CPAMD8: variants seen among roughly 807,000 people sequenced by gnomAD.
CPAMD8 encodes C3 and PZP like alpha-2-macroglobulin domain containing 8.
CPAMD8 carries 146 observed loss-of-function variants against 224.7 expected under a neutral mutation model. That is an observed-to-expected ratio of 0.65 (90% CI 0.57 to 0.75). The LOEUF (loss-of-function observed/expected upper bound fraction) is 0.75, where lower values mean the gene tolerates loss of function less well. CPAMD8 is among the 30% of genes least tolerant of loss of function. CPAMD8 has a pLI of 0.00. For synonymous variants in CPAMD8, 966 were observed against 1,044.6 expected, an observed-to-expected ratio of 0.92 and a Z score of 1.45; for missense variants, 2,301 against 2,537.5, an observed-to-expected ratio of 0.91 and a Z score of 2.00.
chr19:16,961,730 C>T (rs2054664072), intron 18 of CPAMD8, among the ~76,000 whole-genome samples: 1 of 152,222 alleles, frequency 6.6e-6, no homozygotes, highest in African/African-American at 2.4e-5. Flanking sequence ...GTCCCTGACC[C>T]CCATGTAGCC....
At chr19:16,906,403 T>TTCCTTCCTTCCTTCCTTCC (rs1568459868) in intron 30 of CPAMD8, among the ~76,000 whole-genome samples, 4 of 79,786 alleles carry the variant, frequency 5.0e-5, no homozygotes, top group South Asian at 4.2e-4. Flanking sequence ...TCTTTCTTTC[T>TTCCTTCCTTCCTTCCTTCC]TTCTTTCCTT....
intron 1 of CPAMD8, among the ~76,000 whole-genome samples, chr19:17,025,689 G>C (rs1035414801): frequency 6.6e-6 from 1 of 152,184 alleles, no homozygotes; most frequent in African/African-American, 2.4e-5. Flanking sequence ...CCAGGGCTGA[G>C]AACCACTATT....
chr19:16,931,130 C>A (rs1312007785), intron 23 of CPAMD8, among the ~76,000 whole-genome samples: 1 of 152,208 alleles, frequency 6.6e-6, no homozygotes, highest in African/African-American at 2.4e-5. Flanking sequence ...AGCAACTGCA[C>A]CCTCCCCAGT....
intron 22 of CPAMD8, among the ~76,000 whole-genome samples, chr19:16,942,387 G>C (rs1354554649): frequency 6.6e-6 from 1 of 152,058 alleles, no homozygotes; most frequent in Non-Finnish European, 1.5e-5. Flanking sequence ...ACTGGAACCT[G>C]GGAGGTGGAG....
At chr19:16,994,657 A>C (rs1445374582) in intron 11 of CPAMD8, among the ~76,000 whole-genome samples, 1 of 146,386 alleles carries the variant, frequency 6.8e-6, no homozygotes, top group Non-Finnish European at 1.5e-5. Context: ...AGCTGGGACC[A>C]CAGGTGTACA....
intron 5 of CPAMD8, among the ~76,000 whole-genome samples, chr19:17,011,080 G>A (rs1374448384): frequency 1.3e-5 from 2 of 151,892 alleles, no homozygotes; most frequent in Non-Finnish European, 2.9e-5. Flanking sequence ...TATAATCCCG[G>A]CTACTCGGGA....
intron 19 of CPAMD8, among the ~76,000 whole-genome samples, chr19:16,953,536 C>T (rs1286022527): frequency 6.7e-6 from 1 of 149,498 alleles, no homozygotes; most frequent in South Asian, 2.1e-4. Context: ...CCTATCTTTA[C>T]AAAAAATTAA....
At position 16,895,322 on chromosome 19, in the gene CPAMD8, A is replaced by T. The variant is rs146486908; in HGVS notation, c.5426+854T>A. The T allele has an allele frequency of 2.9e-3, 438 of 153,472 alleles. 6 individuals are homozygous for T. The highest frequency in any genetic ancestry group is 0.017 in the Admixed American group (262 of 15,422). The allele number at this position is 153,472 out of a possible 1,614,324, so 9.5% of individuals were successfully genotyped here. A position where few individuals can be genotyped will look rare whatever the true frequency, so the allele number is the denominator to read the frequency against. On this transcript the variant is annotated intron_variant, in intron 41 of 41. Transcript: ENST00000443236. Reference sequence around the variant, plus strand: ...CAGCTTCTGGGGAGGCTGAGACAGGAGAATCGCTTGAACCCAGGAGGCGGA... The same window carrying T: ...CAGCTTCTGGGGAGGCTGAGACAGGTGAATCGCTTGAACCCAGGAGGCGGA...
intron 30 of CPAMD8, 127 bp downstream of exon 30, chr19:16,906,825 T>G: frequency 1.0e-6 from 1 of 961,852 alleles, no homozygotes; most frequent in South Asian, 1.6e-5. Flanking sequence ...TTCTCCTGCC[T>G]CAGCCTCCTG....
chr19:17,004,490 C>A lies in CPAMD8; in HGVS notation c.560-104G>T. ...TGCTCCTTCTCCTTCCCTGAGCAGC[C>A]CCCCAGGAGAACTGGAGACCACAGA... On this transcript the variant is annotated intron_variant, in intron 7 of 41. Transcript: ENST00000443236. The A allele has an allele frequency of 5.6e-6, 4 of 707,980 alleles. No homozygotes were observed. The South Asian group carries it at 6.8e-5, about 12-fold the overall frequency. 43.9% of individuals were successfully genotyped at this position (707,980 alleles called of 1,614,324 possible).
At chr19:16,944,563 G>A (rs1239290189) in intron 22 of CPAMD8, among the ~76,000 whole-genome samples, 1 of 152,182 alleles carries the variant, frequency 6.6e-6, no homozygotes, top group Admixed American at 6.5e-5. Flanking sequence ...CTGTGGCCCA[G>A]GGAGGATGCC....
At chr19:16,960,917 C>T (rs2054631414) in intron 18 of CPAMD8, among the ~76,000 whole-genome samples, 1 of 151,640 alleles carries the variant, frequency 6.6e-6, no homozygotes, top group East Asian at 1.9e-4. Flanking sequence ...ATTCAGCTTT[C>T]CCTTCTGAAG....
chr19:16,989,904 C>G (rs1380288112), intron 12 of CPAMD8, 133 bp from the exon 13 acceptor site: 1 of 834,188 alleles, frequency 1.2e-6, no homozygotes, highest in Non-Finnish European at 2.0e-6. Context: ...AACCCCCTCC[C>G]CAATCCTCAG....
At chr19:16,960,140 T>C (rs139822906) in intron 18 of CPAMD8, among the ~76,000 whole-genome samples, 69 of 151,972 alleles carry the variant, frequency 4.5e-4, no homozygotes, top group African/African-American at 1.6e-3. Flanking sequence ...AGGAGTGCCT[T>C]CATGCATTCT....
rs1022107267 is a variant in CPAMD8, at chr19:16,982,164, C to T, written c.1396-1478G>A. Among the ~76,000 whole-genome samples, 5 of 151,848 alleles carry T rather than the reference C, an allele frequency of 3.3e-5. No homozygotes were observed. The South Asian group carries it at 6.2e-4, about 19-fold the overall frequency. The stretch of plus-strand genomic sequence containing the variant: ...ATCTCAGCACATTGAGAGGCCGAGG[C>T]GAGAGGATTGCTTGAGTCTAGGAGT... On this transcript the variant is annotated intron_variant, in intron 13 of 41. Transcript: ENST00000443236.
At chr19:16,924,340 C>A (rs185570641) in intron 26 of CPAMD8, among the ~76,000 whole-genome samples, 1 of 152,036 alleles carries the variant, frequency 6.6e-6, no homozygotes, top group Admixed American at 6.6e-5. Context: ...GTCCGGCTGT[C>A]CCCTGGAGGT....
intron 13 of CPAMD8, among the ~76,000 whole-genome samples, chr19:16,983,272 G>A (rs2055580211): frequency 6.6e-6 from 1 of 152,144 alleles, no homozygotes; most frequent in African/African-American, 2.4e-5. Context: ...CACGGTGGCA[G>A]GTGCTTGTAA....
intron 23 of CPAMD8, among the ~76,000 whole-genome samples, chr19:16,933,486 TA>T (rs918260156): frequency 1.3e-5 from 2 of 151,740 alleles, no homozygotes; most frequent in African/African-American, 4.8e-5. Context: ...CAAAATGCAA[TA>T]AAAAAAGTAC....
intron 2 of CPAMD8, among the ~76,000 whole-genome samples, chr19:17,021,335 A>G (rs2056951221): frequency 1.3e-5 from 2 of 152,120 alleles, no homozygotes; most frequent in South Asian, 4.1e-4. Flanking sequence ...TTCTTCTAGG[A>G]CTAGAAGGGC....
Sources: allele counts gnomAD v4.1 joint callset (sites outside exome capture counted in the v4.1 genomes callset), GRCh38; gene constraint gnomAD v4.1.1; transcripts MANE v1.5; gene names NCBI Gene and HGNC (gene_info 2026-07-23, HGNC 2026-07-21).